The following SYAP1 variants were observed in gnomAD, a reference collection of about 807,000 sequenced individuals.
SYAP1 encodes the protein synapse associated protein 1.
In SYAP1, 3 loss-of-function variants were observed where a neutral mutation model predicts 29.6. The observed-to-expected ratio is 0.10, with a 90% CI of 0.05 to 0.26. SYAP1 has a LOEUF of 0.26. Among genes scored for constraint, SYAP1 ranks in the 10% least tolerant of loss-of-function variants. The probability of loss-of-function intolerance (pLI) is 1.00; values close to 1 mark genes in which losing one functional copy is unlikely to be tolerated. For synonymous variants in SYAP1, 102 were observed against 102.7 expected (o/e 0.99, Z 0.04); for missense variants, 217 against 264.1 (o/e 0.82, Z 1.24).
In SYAP1 at chrX:16,743,760, T is replaced by C; in HGVS notation, c.495T>C (p.Asp165=). 8.3e-7 allele frequency: 1 copy of C among 1,210,827 alleles called. No homozygotes were observed. The highest frequency in any genetic ancestry group is 1.7e-5 in the African/African-American group (1 of 57,802). ...PAGVQFNFDF[D]QMYPVALVML... is the part of the protein sequence containing the mutation. ...GCGTGCAATTTAATTTCGACTTTGA[T>C]CAGATGTACCCCGTGGCCCTGGTCA... The change falls in exon 5 of 9, where the codon GAT becomes GAC. Residue 165 remains aspartate (D), a synonymous_variant. Coordinates refer to ENST00000380155, the MANE Select transcript of SYAP1 (RefSeq NM_032796.4).
intron 5 of SYAP1, among the ~76,000 whole-genome samples, chrX:16,752,363 G>GGAT (rs1167865187): frequency 1.3e-5 from 1 of 75,699 alleles, no homozygotes; most frequent in African/African-American, 4.6e-5. Context: ...AGTTATCAAT[G>GGAT]GATTATTATT....
Position 16,719,724 on chromosome X carries a change from G to T in SYAP1, c.-1G>T. 2.5e-6 allele frequency: 3 copies of T among 1,205,514 alleles called. No individual in the cohort carries two copies. The highest frequency in any genetic ancestry group is 3.4e-6 in the Non-Finnish European group (3 of 893,255). ...GACCGCGGCGGCGGCCCGCGAGCGGGATGTTCCGGGGCTTGAGCAGTTGGT... is the reference window on the plus strand; with the variant it reads ...GACCGCGGCGGCGGCCCGCGAGCGGTATGTTCCGGGGCTTGAGCAGTTGGT... On this transcript the variant is annotated 5_prime_UTR_variant, in exon 1 of 9. Transcript: ENST00000380155.
At position 16,754,807 on chromosome X, in the gene SYAP1, A is replaced by G. The variant is rs1380386816; in HGVS notation, c.576-138A>G. 2.8e-5 allele frequency: 16 copies of G among 570,389 alleles called. No individual in the cohort carries two copies. In the South Asian group the frequency reaches 3.1e-4, roughly 11 times the overall value. 47.0% of individuals were successfully genotyped at this position (570,389 alleles called of 1,213,427 possible). On this transcript the variant is annotated intron_variant, in intron 5 of 8. Coordinates refer to ENST00000380155, the MANE Select transcript of SYAP1 (RefSeq NM_032796.4). ...TTGAAAGTGCTCTTGCAAATCATCT[A>G]CTCCAGTCCCCTTTACAACAAATAA...
At chrX:16,729,026 G>A (rs1407517525) in intron 1 of SYAP1, among the ~76,000 whole-genome samples, 2 of 96,505 alleles carry the variant, frequency 2.1e-5, no homozygotes, top group Non-Finnish European at 4.1e-5. Context: ...GCAACAGAGC[G>A]AGCAGCTATC....
Position 16,719,793 on chromosome X carries a change from A to T in SYAP1, c.69A>T (p.Gly23=). The change falls in exon 1 of 9, where the codon GGA becomes GGT. Residue 23 remains glycine, a synonymous_variant. Coordinates refer to ENST00000380155, the MANE Select transcript of SYAP1 (RefSeq NM_032796.4). ...QPVAGGGQPN[G]DAPPEQPSET... ...TGGCAGGCGGTGGGCAGCCCAATGG[A>T]GATGCTCCACCCGAGCAGCCGTCCG... The T allele has an allele frequency of 1.7e-6, 2 of 1,201,128 alleles. No homozygotes were observed. The highest frequency in any genetic ancestry group is 2.2e-6 in the Non-Finnish European group (2 of 890,805).
rs776253278 is a variant in SYAP1 at position 16,743,829 on chromosome X, C to T, written c.564C>T (p.Leu188=). ...TGCTAAGCAAGATGAGATTTGCCCT[C>T]GTTCCTAAACTGTAAGCAGAGTGTT... ...DELLSKMRFA[L]VPKLVKEEVF... Residue 188 remains leucine, a synonymous_variant, in exon 5 of 9, where the codon CTC becomes CTT. Transcript: ENST00000380155. 4 of 1,209,832 alleles carry T rather than the reference C, an allele frequency of 3.3e-6. No individual in the cohort carries two copies. The Admixed American group carries it at 6.6e-5, about 20-fold the overall frequency.
intron 5 of SYAP1, among the ~76,000 whole-genome samples, chrX:16,746,581 G>C (rs923931454): frequency 1.8e-5 from 2 of 109,770 alleles, no homozygotes; most frequent in African/African-American, 6.7e-5. Context: ...TTTTAGTTAA[G>C]GTGATTTGTT....
intron 6 of SYAP1, among the ~76,000 whole-genome samples, chrX:16,755,858 A>G (rs1245806676): frequency 1.8e-5 from 2 of 112,222 alleles, no homozygotes; most frequent in African/African-American, 3.2e-5. Flanking sequence ...ACTCATTACA[A>G]CTGGACATTT....
chrX:16,745,554 G>T (rs1926581257), intron 5 of SYAP1, among the ~76,000 whole-genome samples: 1 of 108,641 alleles, frequency 9.2e-6, no homozygotes, highest in African/African-American at 3.4e-5. Context: ...GTGAAACCCT[G>T]TTTCTACTTA....
chrX:16,740,342 C>CTTTTT (rs57231597), intron 3 of SYAP1, among the ~76,000 whole-genome samples: 2 of 90,449 alleles, frequency 2.2e-5, no homozygotes, highest in African/African-American at 4.0e-5. Flanking sequence ...TTGTGCATTT[C>CTTTTT]TTTTTTTTTT....
At position 16,755,052 on chromosome X, in the gene SYAP1, A is replaced by T. The variant is rs751443725; in HGVS notation, c.683A>T (p.Glu228Val). 8.3e-7 allele frequency: 1 copy of T among 1,211,766 alleles called. No individual in the cohort carries two copies. Among genetic ancestry groups the T allele is most frequent in the Non-Finnish European group, 1.1e-6 (1 of 895,482 alleles). ...GCCCAACAGCAGGCCGCAGGGAAGG[A>T]GGAGAAGAGCAATGGCAGAGAGCAA... ...LAAQQQAAGK[E>V]EKSNGREQDL... Residue 228 changes from glutamate to valine, a missense_variant, in exon 6 of 9, where the codon GAG (glutamate) becomes GTG (valine). Transcript: ENST00000380155.
chrX:16,757,404 A>C, intron 8 of SYAP1, 95 bp downstream of exon 8: 1 of 962,193 alleles, frequency 1.0e-6, no homozygotes, highest in African/African-American at 1.9e-5. Context: ...CAGTGCACAA[A>C]AATGTGTTGT....
In SYAP1 at chrX:16,745,135, C is replaced by T. The variant is rs1926567837; in HGVS notation, c.575+1295C>T. Among the ~76,000 whole-genome samples, 5 of 112,540 alleles carry T rather than the reference C, an allele frequency of 4.4e-5. No individual in the cohort carries two copies. The South Asian group carries it at 1.8e-3, about 41-fold the overall frequency. On this transcript the variant is annotated intron_variant, in intron 5 of 8. Coordinates refer to ENST00000380155, the MANE Select transcript of SYAP1 (RefSeq NM_032796.4). ...TGAATGTGGGGACAAGCCTTTTGGC[C>T]TGGAGAGGCTCAGTAGCTGTGGGAA...
At chrX:16,730,991 G>A (rs1307718186) in intron 1 of SYAP1, among the ~76,000 whole-genome samples, 1 of 112,197 alleles carries the variant, frequency 8.9e-6, no homozygotes. Flanking sequence ...GCATAATTTA[G>A]ACCAAATGCT....
rs1178564962 is a variant in SYAP1 at position 16,763,651 on chromosome X, A to G, written c.*3292A>G. ...ATTACAGGCATGAGCCACAGCCTTA[A>G]TTGGTAATTTTTGAAAAAAAAACTA... On this transcript the variant is annotated 3_prime_UTR_variant, in exon 9 of 9. Transcript: ENST00000380155. 1 of 110,538 alleles carries G rather than the reference A, an allele frequency of 9.0e-6. No homozygotes were observed. Among genetic ancestry groups the G allele is most frequent in the Non-Finnish European group, 1.9e-5 (1 of 52,944 alleles). 9.1% of individuals were successfully genotyped at this position (110,538 alleles called of 1,213,427 possible).
At chrX:16,728,388 C>T (rs913499809) in intron 1 of SYAP1, among the ~76,000 whole-genome samples, 22 of 111,681 alleles carry the variant, frequency 2.0e-4, no homozygotes, top group Non-Finnish European at 3.0e-4. Context: ...CCAAAACAGC[C>T]GGGCACAGTG....
At chrX:16,727,341 CTT>C (rs59067207) in intron 1 of SYAP1, among the ~76,000 whole-genome samples, 34 of 79,566 alleles carry the variant, frequency 4.3e-4, no homozygotes, top group African/African-American at 1.7e-3. Flanking sequence ...TGAGATAAGA[CTT>C]TTTTTTTTTT....
chrX:16,721,824 C>T (rs999340129), intron 1 of SYAP1, among the ~76,000 whole-genome samples: 6 of 111,448 alleles, frequency 5.4e-5, no homozygotes, highest in East Asian at 2.8e-4. Context: ...CGTGAGCCAC[C>T]GTGCCTGGCC....
chrX:16,753,607 A>G (rs1926783466), intron 5 of SYAP1, among the ~76,000 whole-genome samples: 1 of 110,725 alleles, frequency 9.0e-6, no homozygotes, highest in Non-Finnish European at 1.9e-5. Context: ...TGGAAAGTCT[A>G]AATCTTGGTA....
Sources: gnomAD v4.1 joint callset for allele counts (sites outside exome capture counted in the v4.1 genomes callset) on GRCh38, gnomAD v4.1.1 for gene constraint, MANE v1.5 for transcripts, NCBI Gene and HGNC (gene_info 2026-07-23, HGNC 2026-07-21) for gene names.